The following USH2A variants were observed in gnomAD, a reference collection of about 807,000 sequenced individuals.
The protein encoded by USH2A is usherin.
Under a neutral mutation model 538.9 loss-of-function variants are expected in USH2A, and 443 were observed. That is an observed-to-expected ratio of 0.82 (90% confidence interval 0.76 to 0.89). The LOEUF (loss-of-function observed/expected upper bound fraction) is 0.89, where lower values mean the gene tolerates loss of function less well. USH2A is among the 40% of genes least tolerant of loss of function. USH2A has a pLI of 0.00. For missense variants in USH2A, 6,633 were observed against 6,324.8 expected (o/e 1.05, Z -1.65); for synonymous variants, 2,413 against 2,273.5 (o/e 1.06, Z -1.75).
intron 35 of USH2A, among the ~76,000 whole-genome samples, chr1:215,977,100 C>G (rs557349820): frequency 6.6e-6 from 1 of 151,412 alleles, no homozygotes; most frequent in South Asian, 2.1e-4. Context: ...TCTATGTACA[C>G]AAACTAGAAA....
At chr1:216,399,442 CCAAT>C (rs1055673919) in intron 3 of USH2A, among the ~76,000 whole-genome samples, 12 of 152,136 alleles carry the variant, frequency 7.9e-5, no homozygotes, top group Non-Finnish European at 1.3e-4. Context: ...GGTGTTAGGG[CCAAT>C]CAATACTCTA....
chr1:215,684,129 A>C (rs1266720222), intron 61 of USH2A, among the ~76,000 whole-genome samples: 1 of 152,200 alleles, frequency 6.6e-6, no homozygotes, highest in East Asian at 1.9e-4. Context: ...TGAAGGTCAG[A>C]GTTTGGATAC....
chr1:216,098,232 T>C (rs916496723), intron 21 of USH2A, among the ~76,000 whole-genome samples: 2 of 152,240 alleles, frequency 1.3e-5, no homozygotes, highest in African/African-American at 2.4e-5. Context: ...TTTTGCTTAA[T>C]GCATTAAAAC....
intron 13 of USH2A, among the ~76,000 whole-genome samples, chr1:216,236,742 T>C (rs898000573): frequency 1.3e-5 from 2 of 152,108 alleles, no homozygotes; most frequent in African/African-American, 4.8e-5. Flanking sequence ...AATATAGTGC[T>C]CGTCACAGCA....
chr1:215,966,370 T>C (rs1240230561), intron 36 of USH2A, among the ~76,000 whole-genome samples: 1 of 152,208 alleles, frequency 6.6e-6, no homozygotes, highest in Non-Finnish European at 1.5e-5. Context: ...GCATCACTCA[T>C]AGATATTTGA....
rs767268759 is a variant in USH2A, at chr1:215,845,996, T to C, written c.8883A>G (p.Thr2961=). The C allele has an allele frequency of 1.2e-6, 2 of 1,613,574 alleles. No homozygotes were observed. Among genetic ancestry groups the C allele is most frequent in the African/African-American group, 2.7e-5 (2 of 74,828 alleles). The change falls in exon 45 of 72, where the codon ACA becomes ACG. Residue 2961 remains threonine, a synonymous_variant. Transcript: ENST00000307340. ...QDLQGEVEYY[T]LFWSSATSND... ...TTGAGGTAGCAGAACTCCAAAAAAG[T>C]GTGTAATATTCAACTTCACCTTGTA...
At chr1:215,766,278 TCA>T (rs1458271821) in intron 56 of USH2A, among the ~76,000 whole-genome samples, 1 of 152,192 alleles carries the variant, frequency 6.6e-6, no homozygotes, top group Non-Finnish European at 1.5e-5. Context: ...ACATCAACTT[TCA>T]GATTTTCTCT....
At chr1:215,900,034 A>G (rs755062251) in intron 40 of USH2A, 41 bp downstream of exon 40, 15 of 1,613,086 alleles carry the variant, frequency 9.3e-6, no homozygotes, top group Non-Finnish European at 1.3e-5. Flanking sequence ...TAAGCTCCCT[A>G]TGTAGAAGAC....
intron 61 of USH2A, among the ~76,000 whole-genome samples, chr1:215,710,650 A>G (rs560043624): frequency 6.6e-6 from 1 of 152,280 alleles, no homozygotes; most frequent in South Asian, 2.1e-4. Flanking sequence ...GACTACAGAC[A>G]CTAAAAGCAT....
intron 21 of USH2A, among the ~76,000 whole-genome samples, chr1:216,099,523 G>A (rs1456039696): frequency 6.6e-6 from 1 of 152,134 alleles, no homozygotes; most frequent in Non-Finnish European, 1.5e-5. Context: ...TTTCAAAATT[G>A]AGACTAAGGC....
At chr1:215,816,462 A>G (rs1662860278) in intron 48 of USH2A, among the ~76,000 whole-genome samples, 1 of 152,070 alleles carries the variant, frequency 6.6e-6, no homozygotes, top group Non-Finnish European at 1.5e-5. Context: ...TGTTGTTGCC[A>G]AATAGGAACA....
At chr1:215,794,804 T>C (rs1032913958) in intron 50 of USH2A, among the ~76,000 whole-genome samples, 5 of 152,238 alleles carry the variant, frequency 3.3e-5, no homozygotes, top group Admixed American at 3.3e-4. Flanking sequence ...TTGGAGTAAA[T>C]AAAGAAGTGA....
chr1:215,922,522 G>A (rs1666128389), intron 38 of USH2A, among the ~76,000 whole-genome samples: 1 of 151,952 alleles, frequency 6.6e-6, no homozygotes, highest in Admixed American at 6.6e-5. Flanking sequence ...TATGAATATG[G>A]AATAAAGTCA....
rs114689522 is a variant in USH2A at position 216,172,377 on chromosome 1, A to G, written c.4627+2875T>C. Reference sequence around the variant, plus strand: ...ATCAACCTTATATTTGTATTTGAGTACTAATTGATATTTCTATTCAGAAGT... The same window carrying G: ...ATCAACCTTATATTTGTATTTGAGTGCTAATTGATATTTCTATTCAGAAGT... On this transcript the variant is annotated intron_variant, in intron 21 of 71. Coordinates refer to ENST00000307340, the MANE Select transcript of USH2A (RefSeq NM_206933.4). 2.0e-3 allele frequency among the ~76,000 whole-genome samples: 308 copies of G among 152,210 alleles called. 1 individual carries two copies. Among genetic ancestry groups the G allele is most frequent in the Middle Eastern group, 3.4e-3 (1 of 294 alleles).
intron 11 of USH2A, among the ~76,000 whole-genome samples, chr1:216,280,470 T>G (rs533228947): frequency 6.6e-6 from 1 of 152,200 alleles, no homozygotes; most frequent in East Asian, 1.9e-4. Context: ...CCTACTCAAT[T>G]TATACAGACA....
chr1:216,184,288 C>T lies in USH2A; in HGVS notation c.4396+5935G>A, dbSNP rs115934832. 6.8e-3 allele frequency among the ~76,000 whole-genome samples: 1,039 copies of T among 152,076 alleles called. 13 individuals carry two copies. The highest frequency in any genetic ancestry group is 0.024 in the African/African-American group (996 of 41,516). On this transcript the variant is annotated intron_variant, in intron 20 of 71. Coordinates refer to ENST00000307340, the MANE Select transcript of USH2A (RefSeq NM_206933.4). ...AAGGTGAAGCAAATTCATTTCAGCT[C>T]GCCTCTGCAGCTCTTCGAAGAGGCT...
At chr1:215,723,263 CTT>C (rs1414587286) in intron 61 of USH2A, among the ~76,000 whole-genome samples, 1 of 152,150 alleles carries the variant, frequency 6.6e-6, no homozygotes, top group Non-Finnish European at 1.5e-5. Flanking sequence ...AACCCACACT[CTT>C]TCCATTTCTC....
intron 61 of USH2A, among the ~76,000 whole-genome samples, chr1:215,718,678 T>A (rs190292176): frequency 1.2e-4 from 18 of 152,314 alleles, no homozygotes; most frequent in Admixed American, 7.8e-4. Flanking sequence ...TGTGTATGAT[T>A]TCCCCCTCAC....
chr1:215,743,386 A>ATATATGTGTGTG (rs878870284), intron 58 of USH2A, 51 bp from the exon 59 acceptor site: 2 of 326,860 alleles, frequency 6.1e-6, no homozygotes, highest in African/African-American at 3.3e-5. Context: ...ATATATATAT[A>ATATATGTGTGTG]TGTGTGTGTG....
Sources: allele counts gnomAD v4.1 joint callset (sites outside exome capture counted in the v4.1 genomes callset), GRCh38; gene constraint gnomAD v4.1.1; transcripts MANE v1.5; gene names NCBI Gene and HGNC (gene_info 2026-07-23, HGNC 2026-07-21).